RCN3: variants seen among roughly 807,000 people sequenced by gnomAD.
RCN3 encodes the protein reticulocalbin-3.
Under a neutral mutation model 35.9 loss-of-function variants are expected in RCN3, and 41 were observed. The ratio of observed to expected loss-of-function variants is 1.14; its 90% CI spans 0.89 to 1.48. The LOEUF (loss-of-function observed/expected upper bound fraction) is 1.48. RCN3 is among the 40% of genes most tolerant of loss of function. The pLI is 0.00. For missense variants in RCN3, 451 were observed against 471.3 expected, an observed-to-expected ratio of 0.96 and a Z score of 0.40; for synonymous variants, 187 against 193.4, an observed-to-expected ratio of 0.97 and a Z score of 0.27.
rs764847109 is a variant in RCN3 at position 49,528,641 on chromosome 19, G to C, written c.169G>C (p.Glu57Gln). Reference protein sequence around the residue: ...DAHGNFQYDHEAFLGREVAKE... With the variant: ...DAHGNFQYDHQAFLGREVAKE... ...CCACGGGAACTTCCAGTACGACCATGAGGCTTTCCTGGGACGGGAAGTGGC... is the reference window on the plus strand; with the variant it reads ...CCACGGGAACTTCCAGTACGACCATCAGGCTTTCCTGGGACGGGAAGTGGC... Residue 57 changes from glutamate to glutamine, a missense_variant, in exon 2 of 7, where the codon GAG becomes CAG. Physicochemically the swap from Glu to Gln is conservative, Grantham distance 29. Transcript: ENST00000270645. 1 of 1,612,170 alleles carries C rather than the reference G, an allele frequency of 6.2e-7. No individual in the cohort carries two copies. Among genetic ancestry groups the C allele is most frequent in the East Asian group, 2.2e-5 (1 of 44,596 alleles).
chr19:49,538,225 C>A (rs995186672), intron 4 of RCN3, among the ~76,000 whole-genome samples: 1 of 147,980 alleles, frequency 6.8e-6, no homozygotes, highest in Admixed American at 6.8e-5. Flanking sequence ...TGCAGTGATG[C>A]GATCTCGGCT....
rs781512921 is a variant in RCN3 at position 49,528,448 on chromosome 19, G to T, written c.-6-19G>T. ...CCCATCCCTGTGACCCCTGACCCCT[G>T]GCCTTTGCCACTCCCCAGGGACCGA... On this transcript the variant is annotated intron_variant, in intron 1 of 6. Coordinates refer to ENST00000270645, the MANE Select transcript of RCN3 (RefSeq NM_020650.3). 3.4e-6 allele frequency: 5 copies of T among 1,477,198 alleles called. No homozygotes were observed. In the Admixed American group the frequency reaches 1.2e-4, roughly 37 times the overall value. The allele number at this position is 1,477,198 out of a possible 1,614,324, so 91.5% of individuals were successfully genotyped here.
At chr19:49,534,476 C>A in intron 3 of RCN3, 81 bp downstream of exon 3, 2 of 1,430,776 alleles carry the variant, frequency 1.4e-6, no homozygotes, top group Non-Finnish European at 1.9e-6. Context: ...GAACCCTGAA[C>A]CCATTTACCC....
intron 1 of RCN3, 30 bp downstream of exon 1, chr19:49,528,088 C>T: frequency 5.2e-6 from 1 of 193,578 alleles, no homozygotes; most frequent in Non-Finnish European, 1.0e-5. Context: ...GGCCTCTGTC[C>T]AGGGAGGGCG....
intron 5 of RCN3, 132 bp downstream of exon 5, chr19:49,539,311 C>T (rs1044790796): frequency 3.0e-6 from 2 of 656,114 alleles, no homozygotes; most frequent in African/African-American, 4.0e-5. Flanking sequence ...CAGGGGCACT[C>T]ACTGCTTGAG....
chr19:49,540,680 G>A (rs1414368560), intron 5 of RCN3, among the ~76,000 whole-genome samples: 2 of 151,072 alleles, frequency 1.3e-5, no homozygotes, highest in Non-Finnish European at 2.9e-5. Flanking sequence ...GCAGTGGGGT[G>A]ATCTTGGCTC....
At chr19:49,532,766 C>G (rs2122720255) in intron 2 of RCN3, among the ~76,000 whole-genome samples, 1 of 152,318 alleles carries the variant, frequency 6.6e-6, no homozygotes, top group Admixed American at 6.5e-5. Flanking sequence ...ACCTCCACCT[C>G]CCAGATTCAA....
rs537369006 is a variant in RCN3, at chr19:49,535,869, T to TAG, written c.446-1163_446-1162insGA. ...TGTCTCAAAAAAAAAAAAATATATA[T>TAG]ATATATAGATAGATAGATAGATAGA... On this transcript the variant is annotated intron_variant, in intron 3 of 6. Coordinates refer to ENST00000270645, the MANE Select transcript of RCN3 (RefSeq NM_020650.3). 7.8e-3 allele frequency among the ~76,000 whole-genome samples: 1,134 copies of TAG among 145,050 alleles called. 11 individuals carry two copies. The highest frequency in any genetic ancestry group is 0.013 in the Non-Finnish European group (861 of 66,770).
intron 2 of RCN3, 21 bp from the exon 3 acceptor site, chr19:49,534,172 T>C: frequency 6.8e-7 from 1 of 1,476,518 alleles, no homozygotes; most frequent in Non-Finnish European, 8.9e-7. Context: ...GAGCCTGACG[T>C]GTGCCCGCCC....
Position 49,528,489 on chromosome 19 carries a change from C to G in RCN3, c.17C>G (p.Ser6Ter). The change falls in exon 2 of 7, where the codon TCA becomes TGA. Residue 6 changes from serine to a stop codon, truncating the protein, a stop_gained. Coordinates refer to ENST00000270645, the MANE Select transcript of RCN3 (RefSeq NM_020650.3). LOFTEE classifies it high-confidence loss of function. ...CAGGGACCGATGATGTGGCGACCAT[C>G]AGTTCTGCTGCTTCTGTTGCTACTG... MMWRP[S>*]VLLLLLLLRH... 1 of 1,515,438 alleles carries G rather than the reference C, an allele frequency of 6.6e-7. No individual in the cohort carries two copies. Among genetic ancestry groups the G allele is most frequent in the Non-Finnish European group, 8.8e-7 (1 of 1,132,082 alleles). 93.9% of individuals were successfully genotyped at this position (1,515,438 alleles called of 1,614,324 possible).
In RCN3 at chr19:49,534,291, T is replaced by A. The variant is rs555967695; in HGVS notation, c.341T>A (p.Ile114Lys). 330 of 1,484,016 alleles carry A rather than the reference T, an allele frequency of 2.2e-4. 2 individuals carry two copies. The Middle Eastern group carries it at 3.2e-3, about 15-fold the overall frequency. The allele number at this position is 1,484,016 out of a possible 1,614,324, so 91.9% of individuals were successfully genotyped here. A position where few individuals can be genotyped will look rare whatever the true frequency, so the allele number is the denominator to read the frequency against. ...AWIAHTQQRH[I>K]RDSVSAAWDT... is the part of the protein sequence containing the mutation. ...ATCGCGCACACGCAGCAGCGGCACA[T>A]ACGGGACTCGGTGAGCGCGGCCTGG... The change falls in exon 3 of 7, where the codon ATA becomes AAA. Residue 114 changes from isoleucine to lysine, a missense_variant. Transcript: ENST00000270645.
At chr19:49,532,456 A>G (rs1247840979) in intron 2 of RCN3, among the ~76,000 whole-genome samples, 1 of 151,032 alleles carries the variant, frequency 6.6e-6, no homozygotes, top group Non-Finnish European at 1.5e-5. Flanking sequence ...GCTCACTGCA[A>G]CCTACGCCTC....
chr19:49,529,858 G>A (rs2080099940), intron 2 of RCN3, among the ~76,000 whole-genome samples: 1 of 150,732 alleles, frequency 6.6e-6, no homozygotes, highest in East Asian at 2.0e-4. Flanking sequence ...CTGGGCTCAA[G>A]CAATTGTCCT....
rs1191713084 is a variant in RCN3 at position 49,543,389 on chromosome 19, A to C, written c.*176A>C. On this transcript the variant is annotated 3_prime_UTR_variant, in exon 7 of 7. Coordinates refer to ENST00000270645, the MANE Select transcript of RCN3 (RefSeq NM_020650.3). ...CGGCTTCTGTCCCTGTCACACCCCC[A>C]ACCCCAGGGAGGGGCTGTCATAGTC... 6 of 616,428 alleles carry C rather than the reference A, an allele frequency of 9.7e-6. No homozygotes were observed. Among genetic ancestry groups the C allele is most frequent in the Admixed American group, 8.2e-5 (3 of 36,786 alleles). 38.2% of individuals were successfully genotyped at this position (616,428 alleles called of 1,614,324 possible). A position where few individuals can be genotyped will look rare whatever the true frequency, so the allele number is the denominator to read the frequency against.
At chr19:49,530,971 G>A (rs769366976) in intron 2 of RCN3, among the ~76,000 whole-genome samples, 9 of 152,160 alleles carry the variant, frequency 5.9e-5, no homozygotes, top group Non-Finnish European at 1.2e-4. Flanking sequence ...TCTGAGGCCC[G>A]TGTGGCTGGA....
In RCN3 at chr19:49,543,256, C is replaced by A. The variant is rs183527585; in HGVS notation, c.*43C>A. ...CAGCCTCAGAGGCCCGCACAATGAC[C>A]GGAGGAGGGGCCGCTGTGGTCTGGC... is the stretch of plus-strand genomic sequence containing the variant. On this transcript the variant is annotated 3_prime_UTR_variant, in exon 7 of 7. Transcript: ENST00000270645. 186 of 1,509,936 alleles carry A rather than the reference C, an allele frequency of 1.2e-4. 2 individuals carry two copies. In the East Asian group the frequency reaches 3.9e-3, roughly 32 times the overall value. 93.5% of individuals were successfully genotyped at this position (1,509,936 alleles called of 1,614,324 possible).
Position 49,534,296 on chromosome 19 carries a change from G to A in RCN3, c.346G>A (p.Asp116Asn). 6.7e-7 allele frequency: 1 copy of A among 1,488,484 alleles called. No homozygotes were observed. Among genetic ancestry groups the A allele is most frequent in the South Asian group, 1.3e-5 (1 of 74,948 alleles). The allele number at this position is 1,488,484 out of a possible 1,614,324, so 92.2% of individuals were successfully genotyped here. A position where few individuals can be genotyped will look rare whatever the true frequency, so the allele number is the denominator to read the frequency against. The change falls in exon 3 of 7, where the codon GAC (aspartate) becomes AAC (asparagine). Residue 116 changes from aspartate to asparagine, a missense_variant. Physicochemically the swap from Asp to Asn is conservative, Grantham distance 23. Coordinates refer to ENST00000270645, the MANE Select transcript of RCN3 (RefSeq NM_020650.3). ...IAHTQQRHIR[D>N]SVSAAWDTYD... ...GCACACGCAGCAGCGGCACATACGG[G>A]ACTCGGTGAGCGCGGCCTGGGACAC...
Position 49,528,584 on chromosome 19 carries a change from GC to G in RCN3, c.118del (p.Leu40Ter), listed in dbSNP as rs777037697. On this transcript the variant is annotated frameshift_variant, in exon 2 of 7. Coordinates refer to ENST00000270645, the MANE Select transcript of RCN3 (RefSeq NM_020650.3). ...TGGCCAGGGGAGGGTGCACCAGGCG[GC>G]CCCCCTGAGCGACGCTCCCCATGAT... Reference protein sequence around the residue: ...PHGQGRVHQAAPLSDAPHDDA... With the variant: ...PHGQGRVHQAXPLSDAPHDDA... 1.2e-6 allele frequency: 2 copies of G among 1,608,632 alleles called. No individual in the cohort carries two copies. The highest frequency in any genetic ancestry group is 1.7e-6 in the Non-Finnish European group (2 of 1,177,728).
chr19:49,539,281 G>A (rs777746032), intron 5 of RCN3, 102 bp downstream of exon 5: 1 of 889,134 alleles, frequency 1.1e-6, no homozygotes. Context: ...TCAGAGAACA[G>A]TGGCCCTCAG....
Sources: gnomAD v4.1 joint callset for allele counts (sites outside exome capture counted in the v4.1 genomes callset) on GRCh38, gnomAD v4.1.1 for gene constraint, MANE v1.5 for transcripts, NCBI Gene and HGNC (gene_info 2026-07-23, HGNC 2026-07-21) for gene names.